Variants in DPY19L2 observed in about 807,000 individuals in gnomAD.
DPY19L2 encodes probable C-mannosyltransferase DPY19L2.
A neutral mutation model predicts 97.9 loss-of-function variants in DPY19L2; 34 were observed. That is an observed-to-expected ratio of 0.35 (90% CI 0.26 to 0.46). DPY19L2 has a LOEUF of 0.46. Among genes scored for constraint, DPY19L2 ranks in the 20% least tolerant of loss-of-function variants. The pLI, the probability that DPY19L2 is intolerant of heterozygous loss-of-function variation, is 1.00. For synonymous variants in DPY19L2, 230 were observed against 307.9 expected, an observed-to-expected ratio of 0.75 and a Z score of 2.65; for missense variants, 623 against 911.4, an observed-to-expected ratio of 0.68 and a Z score of 4.07.
intron 4 of DPY19L2, among the ~76,000 whole-genome samples, chr12:63,657,194 G>C (rs1895081393): frequency 6.6e-6 from 1 of 152,154 alleles, no homozygotes; most frequent in African/African-American, 2.4e-5. Flanking sequence ...AGGGATTTGT[G>C]TTAATCTAGT....
chr12:63,617,730 A>G (rs1888077446), intron 10 of DPY19L2, among the ~76,000 whole-genome samples: 1 of 152,026 alleles, frequency 6.6e-6, no homozygotes, highest in South Asian at 2.1e-4. Flanking sequence ...AGACTTCAGG[A>G]CTTCTATTAT....
chr12:63,642,370 AT>A (rs1397354185), intron 6 of DPY19L2, among the ~76,000 whole-genome samples: 1 of 152,026 alleles, frequency 6.6e-6, no homozygotes, highest in African/African-American at 2.4e-5. Context: ...TCATGACTGG[AT>A]TTTTTTATCT....
chr12:63,627,921 T>C (rs140052582), intron 6 of DPY19L2, among the ~76,000 whole-genome samples: 69 of 152,218 alleles, frequency 4.5e-4, no homozygotes, highest in African/African-American at 1.6e-3. Flanking sequence ...GGAAAGCTCA[T>C]GGGAAATGAT....
At chr12:63,600,015 C>G (rs1420432062) in intron 13 of DPY19L2, among the ~76,000 whole-genome samples, 3 of 152,134 alleles carry the variant, frequency 2.0e-5, no homozygotes, top group Non-Finnish European at 4.4e-5. Context: ...ATGTAAACAA[C>G]TAATTATTTG....
At chr12:63,602,507 T>G (rs1033957567) in intron 12 of DPY19L2, among the ~76,000 whole-genome samples, 2 of 152,038 alleles carry the variant, frequency 1.3e-5, no homozygotes, top group Non-Finnish European at 2.9e-5. Flanking sequence ...CCAAGAAAAC[T>G]GTCCAGAAAT....
At chr12:63,650,881 AAAAT>A (rs1397567559) in intron 4 of DPY19L2, among the ~76,000 whole-genome samples, 6 of 151,450 alleles carry the variant, frequency 4.0e-5, no homozygotes, top group Non-Finnish European at 5.9e-5. Context: ...AAATAAGGTT[AAAAT>A]AAATAAATAA....
At chr12:63,644,735 T>G (rs1004451953) in intron 5 of DPY19L2, among the ~76,000 whole-genome samples, 2 of 152,074 alleles carry the variant, frequency 1.3e-5, no homozygotes, top group African/African-American at 2.4e-5. Flanking sequence ...CATACACGTA[T>G]GTAAGCTCAC....
At chr12:63,638,367 G>A (rs1892112801) in intron 6 of DPY19L2, among the ~76,000 whole-genome samples, 1 of 152,096 alleles carries the variant, frequency 6.6e-6, no homozygotes. Flanking sequence ...AGGGCAATCA[G>A]GCAAGAGAAA....
chr12:63,645,413 A>C (rs1362343407), intron 5 of DPY19L2, among the ~76,000 whole-genome samples: 1 of 152,078 alleles, frequency 6.6e-6, no homozygotes, highest in African/African-American at 2.4e-5. Context: ...ATTCTCCATA[A>C]GGAAATTCTT....
At chr12:63,644,568 G>C in intron 5 of DPY19L2, 72 bp from the exon 6 acceptor site, 6 of 1,558,528 alleles carry the variant, frequency 3.8e-6, no homozygotes, top group Non-Finnish European at 5.2e-6. Context: ...AATTATCTCA[G>C]TGCTTTGCAA....
chr12:63,631,688 G>A (rs895470962), intron 6 of DPY19L2, among the ~76,000 whole-genome samples: 1 of 152,246 alleles, frequency 6.6e-6, no homozygotes, highest in African/African-American at 2.4e-5. Context: ...AATAGAAAAA[G>A]AGGGAATCCT....
At chr12:63,640,140 G>A (rs1892457073) in intron 6 of DPY19L2, among the ~76,000 whole-genome samples, 1 of 152,104 alleles carries the variant, frequency 6.6e-6, no homozygotes, top group African/African-American at 2.4e-5. Flanking sequence ...TCATAGGTGG[G>A]AATTGAACAA....
chr12:63,562,436 G>T, intron 21 of DPY19L2, among the ~76,000 whole-genome samples: 1 of 152,218 alleles, frequency 6.6e-6, no homozygotes, highest in African/African-American at 2.4e-5. Context: ...TGATAAATAA[G>T]TGGATTGTTT....
intron 11 of DPY19L2, among the ~76,000 whole-genome samples, chr12:63,615,993 A>G (rs1230278023): frequency 2.6e-5 from 4 of 152,154 alleles, no homozygotes; most frequent in Non-Finnish European, 5.9e-5. Context: ...GTATACAACT[A>G]TTTGCATAGT....
chr12:63,634,740 G>A (rs532017728), intron 6 of DPY19L2, among the ~76,000 whole-genome samples: 5 of 152,230 alleles, frequency 3.3e-5, no homozygotes, highest in South Asian at 4.2e-4. Flanking sequence ...GTGGAGGGGC[G>A]TCCACCATTA....
chr12:63,605,307 A>G (rs1446513824), intron 12 of DPY19L2, among the ~76,000 whole-genome samples: 1 of 152,112 alleles, frequency 6.6e-6, no homozygotes, highest in Non-Finnish European at 1.5e-5. Context: ...TGCTACCTGC[A>G]TGGGCAGGCT....
At chr12:63,622,133 T>G (rs182678229) in intron 8 of DPY19L2, among the ~76,000 whole-genome samples, 1 of 152,312 alleles carries the variant, frequency 6.6e-6, no homozygotes, top group Non-Finnish European at 1.5e-5. Context: ...TAATCTTATA[T>G]TTTTCAAACA....
chr12:63,568,390 AC>A, intron 21 of DPY19L2, among the ~76,000 whole-genome samples: 1 of 151,996 alleles, frequency 6.6e-6, no homozygotes, highest in African/African-American at 2.4e-5. Flanking sequence ...ACTCATGGAT[AC>A]CATGTTTTCT....
At chr12:63,571,262 T>C (rs528852898) in intron 19 of DPY19L2, among the ~76,000 whole-genome samples, 2 of 152,074 alleles carry the variant, frequency 1.3e-5, no homozygotes, top group East Asian at 1.9e-4. Context: ...GTGGAAAAAA[T>C]GGTCTTCCAC....
Sources: allele counts gnomAD v4.1 joint callset (sites outside exome capture counted in the v4.1 genomes callset), GRCh38; gene constraint gnomAD v4.1.1; transcripts MANE v1.5; gene names NCBI Gene and HGNC (gene_info 2026-07-23, HGNC 2026-07-21).